The following NCKAP5 variants were observed in gnomAD, a reference collection of about 807,000 sequenced individuals.
NCKAP5 encodes the protein nck-associated protein 5.
A neutral mutation model predicts 167.0 loss-of-function variants in NCKAP5; 92 were observed. The observed-to-expected ratio is 0.55, with a 90% CI of 0.47 to 0.66. The LOEUF is 0.66. NCKAP5 is among the 30% of genes least tolerant of loss of function. The pLI, the probability that NCKAP5 is intolerant of heterozygous loss-of-function variation, is 0.00. For synonymous variants in NCKAP5, 891 were observed against 877.4 expected, an observed-to-expected ratio of 1.02 and a Z score of -0.27; for missense variants, 2,378 against 2,315.0, an observed-to-expected ratio of 1.03 and a Z score of -0.56.
At chr2:133,176,030 C>A (rs1302246307) in intron 5 of NCKAP5, among the ~76,000 whole-genome samples, 1 of 152,146 alleles carries the variant, frequency 6.6e-6, no homozygotes, top group African/African-American at 2.4e-5. Context: ...CCTGATGCAT[C>A]CATAAATCAA....
intron 7 of NCKAP5, among the ~76,000 whole-genome samples, chr2:132,980,073 T>C (rs1218650572): frequency 2.0e-5 from 3 of 150,832 alleles, no homozygotes; most frequent in Non-Finnish European, 4.4e-5. Flanking sequence ...CACTCCAGCC[T>C]GGACCTCCCA....
intron 15 of NCKAP5, among the ~76,000 whole-genome samples, chr2:132,776,133 A>C (rs184232724): frequency 6.6e-6 from 1 of 152,360 alleles, no homozygotes; most frequent in East Asian, 1.9e-4. Context: ...AATTTTTCAG[A>C]GTGCCCTGTC....
intron 6 of NCKAP5, among the ~76,000 whole-genome samples, chr2:133,043,680 A>G (rs1376953200): frequency 1.3e-5 from 2 of 152,146 alleles, no homozygotes; most frequent in Non-Finnish European, 2.9e-5. Flanking sequence ...AATACCTAGA[A>G]AGATTAACTC....
At chr2:133,549,210 A>C (rs1180360793) in intron 2 of NCKAP5, among the ~76,000 whole-genome samples, 2 of 151,948 alleles carry the variant, frequency 1.3e-5, no homozygotes, top group Non-Finnish European at 2.9e-5. Flanking sequence ...CCAATACAGG[A>C]GCACCCAGGT....
At chr2:133,503,784 A>T (rs569286491) in intron 3 of NCKAP5, among the ~76,000 whole-genome samples, 3 of 152,366 alleles carry the variant, frequency 2.0e-5, no homozygotes, top group African/African-American at 4.8e-5. Flanking sequence ...TTTCCAAACA[A>T]TATTCAATTA....
intron 6 of NCKAP5, among the ~76,000 whole-genome samples, chr2:133,089,841 C>T (rs577585767): frequency 2.2e-4 from 33 of 152,240 alleles, no homozygotes; most frequent in African/African-American, 7.7e-4. Flanking sequence ...ACAAAAGTTC[C>T]GGTAAGCTTT....
intron 3 of NCKAP5, among the ~76,000 whole-genome samples, chr2:133,351,817 A>G (rs1414439714): frequency 2.0e-5 from 3 of 152,100 alleles, no homozygotes; most frequent in Non-Finnish European, 4.4e-5. Context: ...AAATATATTC[A>G]GTATCCCACC....
At chr2:133,438,571 T>C (rs1041790378) in intron 3 of NCKAP5, among the ~76,000 whole-genome samples, 13 of 152,186 alleles carry the variant, frequency 8.5e-5, no homozygotes, top group Admixed American at 7.2e-4. Context: ...AAGGCTCCTA[T>C]CAACTAGCAT....
Position 132,784,138 on chromosome 2 carries a change from C to G in NCKAP5, c.2673G>C (p.Gln891His). The G allele has an allele frequency of 6.6e-7, 1 of 1,524,792 alleles. No homozygotes were observed. The highest frequency in any genetic ancestry group is 8.8e-7 in the Non-Finnish European group (1 of 1,138,944). 94.5% of individuals were successfully genotyped at this position (1,524,792 alleles called of 1,614,324 possible). The change falls in exon 14 of 20, where the codon CAG becomes CAC. Residue 891 changes from glutamine (Q) to histidine (H), a missense_variant. Transcript: ENST00000409261. ...CAGGCCTTGACCGTGACCCTGGAGT[C>G]TGACTCTTGGGGCACTGGACCCAGT... ...RRDWVQCPKS[Q>H]TPGSRSRPAI...
the NCKAP5 span, among the ~76,000 whole-genome samples, chr2:133,583,997 A>G: frequency 6.6e-6 from 1 of 152,084 alleles, no homozygotes; most frequent in East Asian, 1.9e-4. Context: ...CTCGTGATCC[A>G]CCCACCTCAG....
At chr2:133,500,728 A>G (rs560902265) in intron 3 of NCKAP5, among the ~76,000 whole-genome samples, 1 of 152,332 alleles carries the variant, frequency 6.6e-6, no homozygotes, top group East Asian at 1.9e-4. Flanking sequence ...AGCAGTATAA[A>G]CAATCTATAT....
chr2:133,298,831 C>A (rs999130840), intron 4 of NCKAP5, among the ~76,000 whole-genome samples: 1 of 152,084 alleles, frequency 6.6e-6, no homozygotes, highest in Non-Finnish European at 1.5e-5. Context: ...TACAACCATA[C>A]ATGTTATTGC....
chr2:133,016,828 A>G (rs79794681), intron 6 of NCKAP5, among the ~76,000 whole-genome samples: 2,479 of 152,312 alleles, frequency 0.016, 74 homozygotes, highest in African/African-American at 0.057. Context: ...TAAAAAAAAA[A>G]TGTATTTTGA....
chr2:132,873,208 A>G (rs1279247267), intron 9 of NCKAP5, among the ~76,000 whole-genome samples: 3 of 151,812 alleles, frequency 2.0e-5, no homozygotes, highest in South Asian at 2.1e-4. Flanking sequence ...GGTTCACGCC[A>G]TTCTCCTGCC....
At chr2:133,299,616 C>T (rs369832812) in intron 4 of NCKAP5, among the ~76,000 whole-genome samples, 69 of 152,080 alleles carry the variant, frequency 4.5e-4, no homozygotes, top group Middle Eastern at 3.4e-3. Context: ...CCGAGTGTGG[C>T]GGAAGGCACC....
intron 3 of NCKAP5, among the ~76,000 whole-genome samples, chr2:133,447,778 G>C (rs932801004): frequency 1.3e-5 from 2 of 152,084 alleles, no homozygotes; most frequent in African/African-American, 4.8e-5. Context: ...AAGCCACTGT[G>C]CCCAGCCTCT....
intron 3 of NCKAP5, among the ~76,000 whole-genome samples, chr2:133,350,270 G>A (rs1390066212): frequency 6.6e-6 from 1 of 152,114 alleles, no homozygotes; most frequent in African/African-American, 2.4e-5. Flanking sequence ...AAAGTTAGCT[G>A]GGTGTGGTGA....
intron 3 of NCKAP5, among the ~76,000 whole-genome samples, chr2:133,490,841 T>G (rs2151348980): frequency 6.6e-6 from 1 of 152,346 alleles, no homozygotes; most frequent in South Asian, 2.1e-4. Flanking sequence ...TAGCCAAGTT[T>G]TCTTTGTGGA....
chr2:133,052,271 C>G (rs1226783297), intron 6 of NCKAP5, among the ~76,000 whole-genome samples: 2 of 152,208 alleles, frequency 1.3e-5, no homozygotes, highest in Admixed American at 1.3e-4. Flanking sequence ...TAACAGAACT[C>G]ATACTCTGAT....
Sources: allele counts gnomAD v4.1 joint callset (sites outside exome capture counted in the v4.1 genomes callset), GRCh38; gene constraint gnomAD v4.1.1; transcripts MANE v1.5; gene names NCBI Gene and HGNC (gene_info 2026-07-23, HGNC 2026-07-21).